Variants in NFATC2 observed in about 807,000 individuals in gnomAD.
NFATC2 encodes nuclear factor of activated T-cells, cytoplasmic 2.
Under a neutral mutation model 87.3 loss-of-function variants are expected in NFATC2, and 22 were observed. The ratio of observed to expected loss-of-function variants is 0.25; its 90% CI spans 0.18 to 0.36. The LOEUF (loss-of-function observed/expected upper bound fraction) is 0.36, where lower values mean the gene tolerates loss of function less well. Ranked by LOEUF, NFATC2 falls within the 10% of genes least tolerant of loss-of-function variation. The pLI is 1.00. For missense variants in NFATC2, 1,149 were observed against 1,259.1 expected (o/e 0.91, Z 1.32); for synonymous variants, 565 against 542.2 (o/e 1.04, Z -0.58).
At chr20:51,475,416 C>T in intron 4 of NFATC2, 42 bp downstream of exon 4, 1 of 1,606,550 alleles carries the variant, frequency 6.2e-7, no homozygotes, top group Non-Finnish European at 8.5e-7. Context: ...CCCCTGCTCG[C>T]TTCTCCATGA....
At chr20:51,559,336 C>T (rs1362681073) in intron 1 of NFATC2, among the ~76,000 whole-genome samples, 1 of 152,210 alleles carries the variant, frequency 6.6e-6, no homozygotes, top group Non-Finnish European at 1.5e-5. Flanking sequence ...CCACATCCTC[C>T]CATATGTCTC....
chr20:51,435,648 C>A, intron 7 of NFATC2, 58 bp downstream of exon 7: 1 of 1,543,544 alleles, frequency 6.5e-7, no homozygotes, highest in South Asian at 1.2e-5. Flanking sequence ...AAGGAAAGAG[C>A]ATGAAAGAGG....
intron 3 of NFATC2, among the ~76,000 whole-genome samples, chr20:51,478,563 C>T (rs958067955): frequency 6.6e-6 from 1 of 152,198 alleles, no homozygotes; most frequent in African/African-American, 2.4e-5. Context: ...CACACCTGCC[C>T]AAGCCACCAT....
intron 8 of NFATC2, among the ~76,000 whole-genome samples, chr20:51,434,318 G>A (rs1028159182): frequency 6.6e-6 from 1 of 152,190 alleles, no homozygotes; most frequent in Non-Finnish European, 1.5e-5. Flanking sequence ...CTGAGAAACT[G>A]TCATAGGATG....
At chr20:51,403,346 A>G (rs1169452160) in intron 9 of NFATC2, among the ~76,000 whole-genome samples, 2 of 152,198 alleles carry the variant, frequency 1.3e-5, no homozygotes, top group African/African-American at 4.8e-5. Context: ...ACGTACTGCT[A>G]TCATCTCAAA....
Position 51,435,887 on chromosome 20 carries a change from A to G in NFATC2, c.1850-126T>C, listed in dbSNP as rs965394743. 9.1e-6 allele frequency: 7 copies of G among 765,578 alleles called. No individual in the cohort carries two copies. The African/African-American group carries it at 1.2e-4, about 13-fold the overall frequency. The allele number at this position is 765,578 out of a possible 1,614,324, so 47.4% of individuals were successfully genotyped here. On this transcript the variant is annotated intron_variant, in intron 6 of 10. Transcript: ENST00000371564. Reference sequence around the variant, plus strand: ...TGTCATTTCAGTAAGGTGTGTGTCAATATGTGCACGTGTGTGTACATATGT... The same window carrying G: ...TGTCATTTCAGTAAGGTGTGTGTCAGTATGTGCACGTGTGTGTACATATGT...
intron 6 of NFATC2, among the ~76,000 whole-genome samples, chr20:51,447,633 C>T (rs1214687148): frequency 6.6e-6 from 1 of 152,224 alleles, no homozygotes; most frequent in Non-Finnish European, 1.5e-5. Flanking sequence ...TTTGCTGGGA[C>T]CCCCGACTCC....
chr20:51,535,031 A>G (rs904222817), intron 1 of NFATC2, among the ~76,000 whole-genome samples: 4 of 152,160 alleles, frequency 2.6e-5, no homozygotes, highest in African/African-American at 7.2e-5. Context: ...AAAGCATTTG[A>G]GATTAAACTC....
intron 3 of NFATC2, among the ~76,000 whole-genome samples, chr20:51,481,786 G>A (rs1365346112): frequency 6.6e-6 from 1 of 152,130 alleles, no homozygotes; most frequent in Non-Finnish European, 1.5e-5. Context: ...GGAATGACGT[G>A]TGATTTAGAC....
At position 51,520,821 on chromosome 20, in the gene NFATC2, C is replaced by T. The variant is rs1219210171; in HGVS notation, c.1160+2260G>A. On this transcript the variant is annotated intron_variant, in intron 2 of 10. Transcript: ENST00000371564. ...GATTACAGGCATGCAACATCACACC[C>T]GGCTAATTTTGTATTTTTAGTAGAG... Among the ~76,000 whole-genome samples, 4 of 151,972 alleles carry T rather than the reference C, an allele frequency of 2.6e-5. No homozygotes were observed. In the South Asian group the frequency reaches 6.2e-4, roughly 24 times the overall value.
chr20:51,397,338 T>C (rs990852259), intron 10 of NFATC2, among the ~76,000 whole-genome samples: 2 of 149,258 alleles, frequency 1.3e-5, no homozygotes, highest in African/African-American at 2.6e-5. Flanking sequence ...GAAAAGAACA[T>C]AAAACCCTCA....
chr20:51,510,366 A>G (rs955963852), intron 3 of NFATC2, among the ~76,000 whole-genome samples: 1 of 152,224 alleles, frequency 6.6e-6, no homozygotes, highest in Admixed American at 6.5e-5. Flanking sequence ...GGAAACACTT[A>G]AAGCCCAACC....
intron 5 of NFATC2, 65 bp from the exon 6 acceptor site, chr20:51,454,753 G>A: frequency 1.9e-6 from 3 of 1,568,764 alleles, no homozygotes; most frequent in South Asian, 2.3e-5. Flanking sequence ...GAGGAGGTCT[G>A]ATTTCATGGT....
At chr20:51,437,503 CAT>C (rs1281414201) in intron 6 of NFATC2, among the ~76,000 whole-genome samples, 2 of 152,164 alleles carry the variant, frequency 1.3e-5, no homozygotes, top group Non-Finnish European at 2.9e-5. Context: ...GGTTTGAACC[CAT>C]ATAGTCTTGG....
At chr20:51,414,438 C>T (rs1979737880) in intron 9 of NFATC2, among the ~76,000 whole-genome samples, 1 of 152,252 alleles carries the variant, frequency 6.6e-6, no homozygotes, top group East Asian at 1.9e-4. Context: ...CCTGTAATCC[C>T]AGCACTTTGG....
intron 3 of NFATC2, among the ~76,000 whole-genome samples, chr20:51,491,162 A>C (rs2075876209): frequency 6.6e-6 from 1 of 152,126 alleles, no homozygotes; most frequent in South Asian, 2.1e-4. Flanking sequence ...AAGGAAAATC[A>C]TCTCCTGGCT....
chr20:51,442,947 T>G (rs912023293), intron 6 of NFATC2, among the ~76,000 whole-genome samples: 3 of 152,272 alleles, frequency 2.0e-5, no homozygotes, highest in East Asian at 3.9e-4. Context: ...AAGAGAGACA[T>G]GGACTCAGGG....
intron 1 of NFATC2, among the ~76,000 whole-genome samples, chr20:51,533,748 G>A (rs1035238920): frequency 6.6e-6 from 1 of 152,246 alleles, no homozygotes; most frequent in South Asian, 2.1e-4. Context: ...TGATCCACAA[G>A]CAATGAGGCT....
At chr20:51,498,197 C>T (rs2055955518) in intron 3 of NFATC2, among the ~76,000 whole-genome samples, 1 of 152,128 alleles carries the variant, frequency 6.6e-6, no homozygotes, top group Admixed American at 6.5e-5. Flanking sequence ...CACAGGAAAG[C>T]CACCAAGGAG....
Sources: gnomAD v4.1 joint callset for allele counts (sites outside exome capture counted in the v4.1 genomes callset) on GRCh38, gnomAD v4.1.1 for gene constraint, MANE v1.5 for transcripts, NCBI Gene and HGNC (gene_info 2026-07-23, HGNC 2026-07-21) for gene names.